PLEKHA5: variants seen among roughly 807,000 people sequenced by gnomAD.
PLEKHA5 encodes pleckstrin homology domain containing A5, also known as pleckstrin homology domain-containing family A member 5.
PLEKHA5 carries 55 observed loss-of-function variants against 181.9 expected under a neutral mutation model. That is an observed-to-expected ratio of 0.30 (90% CI 0.24 to 0.38). The LOEUF is 0.38. PLEKHA5 is among the 10% of genes least tolerant of loss of function. PLEKHA5 has a pLI of 1.00. For missense variants in PLEKHA5, 1,432 were observed against 1,549.5 expected (o/e 0.92, Z 1.27); for synonymous variants, 535 against 529.4 (o/e 1.01, Z -0.15).
Position 19,169,421 on chromosome 12 carries a change from T to C in PLEKHA5, c.227+36971T>C, listed in dbSNP as rs143816546. On this transcript the variant is annotated intron_variant, in intron 3 of 31. Coordinates refer to ENST00000429027, the MANE Select transcript of PLEKHA5 (RefSeq NM_001256470.2). ...TCCAGCATCTTCTGGTCTTCACTTA[T>C]AGGGCAGTGCTAAGTTGGCTCTGCC... Among the ~76,000 whole-genome samples the C allele has an allele frequency of 7.3e-4, 111 of 152,320 alleles. 1 individual carries two copies. In the East Asian group the frequency reaches 0.019, roughly 25 times the overall value.
rs543898225 is a variant in PLEKHA5 at position 19,369,327 on chromosome 12, G to A, written c.3755-366G>A. On this transcript the variant is annotated intron_variant, in intron 30 of 31. Coordinates refer to ENST00000429027, the MANE Select transcript of PLEKHA5 (RefSeq NM_001256470.2). The stretch of plus-strand genomic sequence containing the variant: ...TGGGATTACAGACATGAGCCACCAC[G>A]CCCAGCCAAAAAAAAAAAAATTTTT... 4.4e-3 allele frequency among the ~76,000 whole-genome samples: 393 copies of A among 89,272 alleles called. 1 individual carries two copies. Among genetic ancestry groups the A allele is most frequent in the Middle Eastern group, 0.026 (4 of 156 alleles). The allele number at this position is 89,272 out of a possible 152,430, so 58.6% of individuals were successfully genotyped here. A position where few individuals can be genotyped will look rare whatever the true frequency, so the allele number is the denominator to read the frequency against.
intron 20 of PLEKHA5, among the ~76,000 whole-genome samples, chr12:19,329,894 T>C (rs1236931063): frequency 6.6e-6 from 1 of 151,036 alleles, no homozygotes; most frequent in African/African-American, 2.4e-5. Context: ...CTAAGCAATA[T>C]GGTGAAACTC....
At chr12:19,235,613 G>A (rs140156385) in intron 3 of PLEKHA5, among the ~76,000 whole-genome samples, 140 of 152,218 alleles carry the variant, frequency 9.2e-4, no homozygotes, top group Non-Finnish European at 1.2e-4. Context: ...ATGGAGTCAC[G>A]GGGAGGCTAA....
At position 19,369,784 on chromosome 12, in the gene PLEKHA5, G is replaced by A; in HGVS notation, c.3846G>A (p.Val1282=). Residue 1282 remains valine, a synonymous_variant, in exon 31 of 32, where the codon GTG becomes GTA. Transcript: ENST00000429027. The part of the protein sequence containing the change: ...QLTEGSHFMC[V] ...CAGAAGGATCACATTTCATGTGTGT[G>A]TAGTCTTAGAAGAAGTACGTCATTT... is the stretch of plus-strand genomic sequence containing the variant. 3 of 1,593,252 alleles carry A rather than the reference G, an allele frequency of 1.9e-6. No individual in the cohort carries two copies. The highest frequency in any genetic ancestry group is 2.2e-5 in the South Asian group (2 of 89,008).
intron 3 of PLEKHA5, chr12:19,201,203 T>C (rs1485471285): frequency 6.6e-6 from 1 of 152,046 alleles, no homozygotes; most frequent in Non-Finnish European, 1.5e-5. Context: ...TTTAAATATA[T>C]TTCACATGAG....
rs1005201579 is a variant in PLEKHA5 at position 19,130,749 on chromosome 12, C to G, written c.169+619C>G. The G allele has an allele frequency of 6.6e-6, 1 of 152,240 alleles. No homozygotes were observed. The highest frequency in any genetic ancestry group is 1.5e-5 in the Non-Finnish European group (1 of 68,116). The allele number at this position is 152,240 out of a possible 1,614,324, so 9.4% of individuals were successfully genotyped here. On this transcript the variant is annotated intron_variant, in intron 2 of 31. Transcript: ENST00000429027. The surrounding 1 kb of genome is among the most constrained non-coding windows in gnomAD (Gnocchi z 4.5). Reference sequence around the variant, plus strand: ...ATCCTCTCTGTGACAGGGAACGGCTCGGGAAACGCTTGGCGCGTTCCCTCC... The same window carrying G: ...ATCCTCTCTGTGACAGGGAACGGCTGGGGAAACGCTTGGCGCGTTCCCTCC...
intron 3 of PLEKHA5, among the ~76,000 whole-genome samples, chr12:19,181,367 T>G (rs1260700152): frequency 6.6e-6 from 1 of 152,246 alleles, no homozygotes; most frequent in Non-Finnish European, 1.5e-5. Context: ...GCACAATAAT[T>G]GTATAGCATT....
At chr12:19,242,148 T>C in intron 3 of PLEKHA5, among the ~76,000 whole-genome samples, 1 of 152,216 alleles carries the variant, frequency 6.6e-6, no homozygotes, top group East Asian at 1.9e-4. Flanking sequence ...TTAACTAGCA[T>C]GGTGTTAATT....
chr12:19,296,632 T>A (rs578015960), intron 15 of PLEKHA5, among the ~76,000 whole-genome samples: 365 of 151,540 alleles, frequency 2.4e-3, no homozygotes, highest in African/African-American at 8.4e-3. Context: ...ACATTGGGAG[T>A]AGGGACTTGA....
intron 21 of PLEKHA5, 79 bp from the exon 22 acceptor site, chr12:19,343,244 T>C (rs2094072553): frequency 2.8e-6 from 2 of 720,890 alleles, no homozygotes; most frequent in Non-Finnish European, 2.2e-6. Context: ...AGATGTAATT[T>C]ATATAATTAA....
chr12:19,223,791 C>G (rs11835802), intron 3 of PLEKHA5, among the ~76,000 whole-genome samples: 16,425 of 152,104 alleles, frequency 0.11, 1,388 homozygotes, highest in African/African-American at 0.23. Flanking sequence ...TGGGGTCAAG[C>G]AGCAGAATCC....
intron 18 of PLEKHA5, 134 bp from the exon 19 acceptor site, chr12:19,322,176 G>A (rs1455610785): frequency 3.3e-6 from 2 of 610,986 alleles, no homozygotes; most frequent in African/African-American, 3.7e-5. Flanking sequence ...TATTTTTTAA[G>A]GATTCTATCT....
At position 19,183,492 on chromosome 12, in the gene PLEKHA5, T is replaced by C. The variant is rs148021350; in HGVS notation, c.227+51042T>C. ...AATGTAGAATATTAAGTAGTATGTTTAGTGTCACAGAAACCGATAATAATG... is the reference window on the plus strand; with the variant it reads ...AATGTAGAATATTAAGTAGTATGTTCAGTGTCACAGAAACCGATAATAATG... On this transcript the variant is annotated intron_variant, in intron 3 of 31. Coordinates refer to ENST00000429027, the MANE Select transcript of PLEKHA5 (RefSeq NM_001256470.2). Among the ~76,000 whole-genome samples, 112 of 152,312 alleles carry C rather than the reference T, an allele frequency of 7.4e-4. 1 individual carries two copies. In the East Asian group the frequency reaches 0.019, roughly 26 times the overall value.
At chr12:19,196,710 A>C (rs2052835204) in intron 3 of PLEKHA5, among the ~76,000 whole-genome samples, 2 of 152,164 alleles carry the variant, frequency 1.3e-5, no homozygotes, top group Admixed American at 1.3e-4. Flanking sequence ...ATGTATCCAC[A>C]ACACCCAGAG....
At chr12:19,174,349 A>G (rs1295292769) in intron 3 of PLEKHA5, among the ~76,000 whole-genome samples, 1 of 152,162 alleles carries the variant, frequency 6.6e-6, no homozygotes, top group Non-Finnish European at 1.5e-5. Context: ...TATTCGCTCT[A>G]TGTGTATATT....
chr12:19,364,696 C>T (rs531601400), intron 29 of PLEKHA5, among the ~76,000 whole-genome samples: 4 of 151,636 alleles, frequency 2.6e-5, no homozygotes, highest in African/African-American at 9.7e-5. Context: ...GGATCTCACT[C>T]TGTCGCCCAG....
At chr12:19,266,282 A>C (rs756448933) in intron 8 of PLEKHA5, among the ~76,000 whole-genome samples, 21 of 151,690 alleles carry the variant, frequency 1.4e-4, no homozygotes, top group Admixed American at 3.3e-4. Context: ...AGCCTGGGGA[A>C]TATAGTGAGA....
At chr12:19,340,972 G>T (rs1020920799) in intron 21 of PLEKHA5, among the ~76,000 whole-genome samples, 1 of 141,862 alleles carries the variant, frequency 7.0e-6, no homozygotes, top group Non-Finnish European at 1.6e-5. Flanking sequence ...AGAAAGAAAA[G>T]AAAAATAGTT....
Position 19,274,611 on chromosome 12 carries a change from A to C in PLEKHA5, c.941A>C (p.Gln314Pro), listed in dbSNP as rs754834397. 4 of 1,613,156 alleles carry C rather than the reference A, an allele frequency of 2.5e-6. No individual in the cohort carries two copies. In the East Asian group the frequency reaches 8.9e-5, roughly 36 times the overall value. ...ATTAAACCAGAGATCCAAAACAATC[A>C]AAAAAACAAGGAAATGAGCAAAATT... ...VLIKPEIQNN[Q>P]KNKEMSKIEE... The change falls in exon 11 of 32, where the codon CAA becomes CCA. Residue 314 changes from glutamine to proline, a missense_variant. Physicochemically the swap from Gln to Pro is moderately conservative, Grantham distance 76. Transcript: ENST00000429027.
Sources: allele counts gnomAD v4.1 joint callset (sites outside exome capture counted in the v4.1 genomes callset), GRCh38; gene constraint gnomAD v4.1.1; non-coding constraint Gnocchi (gnomAD v3.1); transcripts MANE v1.5; gene names NCBI Gene and HGNC (gene_info 2026-07-23, HGNC 2026-07-21).